Variants in MGAM2 observed in about 807,000 individuals in gnomAD.
The protein encoded by MGAM2 is maltase-glucoamylase 2 (putative).
In MGAM2, 98 loss-of-function variants were observed where a neutral mutation model predicts 96.1. The observed-to-expected ratio is 1.02, with a 90% CI of 0.87 to 1.21. The LOEUF (loss-of-function observed/expected upper bound fraction) is 1.21, where lower values mean the gene tolerates loss of function less well. MGAM2 is among the 50% of genes most tolerant of loss of function. MGAM2 has a pLI of 0.00. For missense variants in MGAM2, 2,055 were observed against 1,182.4 expected, an observed-to-expected ratio of 1.74 and a Z score of -10.82; for synonymous variants, 749 against 414.8, an observed-to-expected ratio of 1.81 and a Z score of -9.79.
chr7:142,214,027 C>A (rs1181784599), intron 46 of MGAM2, among the ~76,000 whole-genome samples: 1 of 152,146 alleles, frequency 6.6e-6, no homozygotes, highest in Non-Finnish European at 1.5e-5. Context: ...AATTGCAATC[C>A]ATCACATAAA....
intron 32 of MGAM2, among the ~76,000 whole-genome samples, chr7:142,181,191 G>A (rs945877508): frequency 3.9e-5 from 6 of 152,072 alleles, no homozygotes; most frequent in Admixed American, 2.0e-4. Flanking sequence ...TTTTGAAGTC[G>A]CTGTCTTTTG....
At chr7:142,132,190 T>A in intron 6 of MGAM2, 105 bp downstream of exon 6, 1 of 528,164 alleles carries the variant, frequency 1.9e-6, no homozygotes. Context: ...CTAGAGAAAA[T>A]GTTTGAATAT....
intron 1 of MGAM2, 103 bp downstream of exon 1, chr7:142,111,910 GC>G (rs1421845881): frequency 6.6e-6 from 1 of 152,168 alleles, no homozygotes; most frequent in Non-Finnish European, 1.5e-5. Flanking sequence ...TGATCTGGAT[GC>G]CCATGTTTTC....
At chr7:142,116,257 A>G (rs1447054385) in intron 1 of MGAM2, among the ~76,000 whole-genome samples, 2 of 152,176 alleles carry the variant, frequency 1.3e-5, no homozygotes, top group Non-Finnish European at 2.9e-5. Context: ...TCTTGGGTCA[A>G]TAAATGATCT....
At chr7:142,160,889 CA>C (rs1795868294) in intron 21 of MGAM2, among the ~76,000 whole-genome samples, 1 of 152,116 alleles carries the variant, frequency 6.6e-6, no homozygotes, top group Admixed American at 6.5e-5. Flanking sequence ...TTATGTATTG[CA>C]ACCCAAACAG....
intron 21 of MGAM2, 42 bp downstream of exon 21, chr7:142,160,300 C>A (rs551341393): frequency 4.7e-6 from 3 of 639,642 alleles, no homozygotes; most frequent in South Asian, 1.8e-5. Context: ...TTCTGGTGCT[C>A]TAATGGAGCA....
chr7:142,208,600 T>C lies in MGAM2; in HGVS notation c.5165T>C (p.Leu1722Ser). 1 of 702,904 alleles carries C rather than the reference T, an allele frequency of 1.4e-6. No homozygotes were observed. The highest frequency in any genetic ancestry group is 2.6e-6 in the Non-Finnish European group (1 of 384,928). 43.5% of individuals were successfully genotyped at this position (702,904 alleles called of 1,614,324 possible). Reference sequence around the variant, plus strand: ...ACCTATGAAAATGGAAATTATTTTTTGGCAAACTTTATAGCAGCTCAGGTA... The same window carrying C: ...ACCTATGAAAATGGAAATTATTTTTCGGCAAACTTTATAGCAGCTCAGGTA... ...IDTYENGNYF[L>S]ANFIAAQNIL... The change falls in exon 46 of 48, where the codon TTG (leucine) becomes TCG (serine). Residue 1722 changes from leucine (L) to serine (S), a missense_variant. Physicochemically the swap from Leu to Ser is moderately radical, Grantham distance 145. Coordinates refer to ENST00000477922, the MANE Select transcript of MGAM2 (RefSeq NM_001293626.2).
intron 9 of MGAM2, 71 bp downstream of exon 9, chr7:142,137,616 GA>G (rs1795097355): frequency 1.8e-6 from 1 of 543,556 alleles, no homozygotes; most frequent in Non-Finnish European, 3.3e-6. Context: ...ATTAATAAAA[GA>G]AAAATAAAAG....
intron 1 of MGAM2, among the ~76,000 whole-genome samples, chr7:142,116,560 C>G (rs949341863): frequency 1.1e-4 from 16 of 152,186 alleles, no homozygotes; most frequent in African/African-American, 3.9e-4. Flanking sequence ...ACCTCAGCCC[C>G]TCATCTCTCT....
chr7:142,183,008 C>G (rs1205172930), intron 32 of MGAM2, among the ~76,000 whole-genome samples: 1 of 152,064 alleles, frequency 6.6e-6, no homozygotes, highest in Non-Finnish European at 1.5e-5. Context: ...ATTCTTATAC[C>G]CTTTGAAAGA....
At chr7:142,187,107 C>A (rs1177911252) in intron 35 of MGAM2, among the ~76,000 whole-genome samples, 1 of 152,198 alleles carries the variant, frequency 6.6e-6, no homozygotes, top group African/African-American at 2.4e-5. Flanking sequence ...TCAGAGTGCA[C>A]AGTGAACATT....
Position 142,146,731 on chromosome 7 carries a change from A to AT in MGAM2, c.1517-711dup, listed in dbSNP as rs61025497. Among the ~76,000 whole-genome samples, 881 of 145,220 alleles carry AT rather than the reference A, an allele frequency of 6.1e-3. 9 individuals carry two copies. Among genetic ancestry groups the AT allele is most frequent in the South Asian group, 0.013 (58 of 4,558 alleles). On this transcript the variant is annotated intron_variant, in intron 14 of 47. Coordinates refer to ENST00000477922, the MANE Select transcript of MGAM2 (RefSeq NM_001293626.2). ...CCCAAATGTCCAAATGTCACATCTT[A>AT]TTTTTTTTTTTTTTGAGATGTAGTC... is the stretch of plus-strand genomic sequence containing the variant.
chr7:142,171,477 C>G (rs578188657), intron 28 of MGAM2, 37 bp downstream of exon 28: 12 of 696,554 alleles, frequency 1.7e-5, no homozygotes, highest in African/African-American at 1.2e-4. Context: ...ATCAGTTTCT[C>G]TTTATGTAAA....
rs1483865067 is a variant in MGAM2 at position 142,208,343 on chromosome 7, T to G, written c.5138-230T>G. 3 of 636,976 alleles carry G rather than the reference T, an allele frequency of 4.7e-6. No individual in the cohort carries two copies. The African/African-American group carries it at 5.4e-5, about 11-fold the overall frequency. 39.5% of individuals were successfully genotyped at this position (636,976 alleles called of 1,614,324 possible). ...TTTGTTCAACCCAGATTCTCTTGCA[T>G]TTGTAACCTTCTGACCTCCCCGGCA... On this transcript the variant is annotated intron_variant, in intron 45 of 47. Transcript: ENST00000477922.
At chr7:142,178,044 C>T (rs1043870184) in intron 32 of MGAM2, among the ~76,000 whole-genome samples, 10 of 152,084 alleles carry the variant, frequency 6.6e-5, no homozygotes, top group Admixed American at 5.2e-4. Context: ...TTTTGACTTT[C>T]CAACAAAAGC....
intron 15 of MGAM2, among the ~76,000 whole-genome samples, chr7:142,151,664 A>G (rs542135789): frequency 3.3e-5 from 5 of 152,348 alleles, no homozygotes; most frequent in Admixed American, 2.6e-4. Flanking sequence ...GAAAGTTTCA[A>G]ATTACTTTTT....
intron 45 of MGAM2, chr7:142,208,120 T>C (rs1797464903): frequency 2.2e-6 from 1 of 455,198 alleles, no homozygotes; most frequent in Non-Finnish European, 4.4e-6. Flanking sequence ...CTTGTCTGAG[T>C]TTGCACAGCT....
rs191206500 is a variant in MGAM2, at chr7:142,157,237, T to C, written c.1924-700T>C. ...TTTTTTTTAGTAGTAGTACAACTTA[T>C]ATTATTTCCCAAATAAAATATGAGA... On this transcript the variant is annotated intron_variant, in intron 17 of 47. Coordinates refer to ENST00000477922, the MANE Select transcript of MGAM2 (RefSeq NM_001293626.2). 2.0e-3 allele frequency among the ~76,000 whole-genome samples: 305 copies of C among 152,286 alleles called. 2 individuals carry two copies. Among genetic ancestry groups the C allele is most frequent in the African/African-American group, 6.6e-3 (275 of 41,554 alleles).
intron 10 of MGAM2, among the ~76,000 whole-genome samples, chr7:142,139,408 T>C (rs1585155126): frequency 6.6e-6 from 1 of 152,074 alleles, no homozygotes; most frequent in Non-Finnish European, 1.5e-5. Flanking sequence ...GCCTGTAATC[T>C]CAGCACTTTG....
Sources: allele counts gnomAD v4.1 joint callset (sites outside exome capture counted in the v4.1 genomes callset), GRCh38; gene constraint gnomAD v4.1.1; transcripts MANE v1.5; gene names NCBI Gene and HGNC (gene_info 2026-07-23, HGNC 2026-07-21).